C5: variants seen among roughly 807,000 people sequenced by gnomAD.
C5 encodes C3 and PZP-like alpha-2-macroglobulin domain-containing protein 4.
Under a neutral mutation model 218.8 loss-of-function variants are expected in C5, and 140 were observed. That is an observed-to-expected ratio of 0.64 (90% CI 0.56 to 0.74). C5 has a LOEUF of 0.74. Ranked by LOEUF, C5 falls within the 30% of genes least tolerant of loss-of-function variation. The pLI is 0.00. For synonymous variants in C5, 614 were observed against 682.3 expected, an observed-to-expected ratio of 0.90 and a Z score of 1.56; for missense variants, 1,700 against 1,969.6, an observed-to-expected ratio of 0.86 and a Z score of 2.59.
chr9:121,007,564 T>A (rs1548782), intron 18 of C5, among the ~76,000 whole-genome samples: 91,301 of 152,058 alleles, frequency 0.6, 27,691 homozygotes, highest in East Asian at 0.78. Context: ...GGCAGTGTGC[T>A]TTCGTTCAAC....
chr9:121,059,915 C>G, the C5 span, among the ~76,000 whole-genome samples: 4 of 152,184 alleles, frequency 2.6e-5, no homozygotes, highest in African/African-American at 9.7e-5. The surrounding 1 kb of genome is among the most constrained non-coding windows in gnomAD (Gnocchi z 4.1). Flanking sequence ...ATCTTGACTG[C>G]AACCTCATAA....
chr9:120,994,526 T>C (rs1214142581), intron 22 of C5, among the ~76,000 whole-genome samples: 1 of 151,834 alleles, frequency 6.6e-6, no homozygotes, highest in African/African-American at 2.4e-5. Context: ...GAGGTTGCAG[T>C]GAGCTGACAT....
chr9:121,038,522 A>G (rs921875388), intron 3 of C5, among the ~76,000 whole-genome samples: 1 of 152,236 alleles, frequency 6.6e-6, no homozygotes, highest in Non-Finnish European at 1.5e-5. Context: ...CATTGTTAAA[A>G]GAGCAATGGC....
chr9:121,031,280 AATTT>A (rs2047472464), intron 6 of C5, among the ~76,000 whole-genome samples: 1 of 152,128 alleles, frequency 6.6e-6, no homozygotes, highest in Non-Finnish European at 1.5e-5. Flanking sequence ...CTATTAATAT[AATTT>A]ATTTCAAAAT....
At chr9:121,068,306 T>C in the C5 span, among the ~76,000 whole-genome samples, 2 of 151,646 alleles carry the variant, frequency 1.3e-5, no homozygotes, top group African/African-American at 4.9e-5. Context: ...AAAACCAACA[T>C]ACAAAAATCA....
the C5 span, among the ~76,000 whole-genome samples, chr9:121,073,784 G>C: frequency 6.6e-6 from 1 of 152,170 alleles, no homozygotes; most frequent in Non-Finnish European, 1.5e-5. Context: ...AAAGTGCTGG[G>C]ATTACAGGCA....
At chr9:120,958,011 G>T (rs1050284445) in intron 38 of C5, among the ~76,000 whole-genome samples, 3 of 152,154 alleles carry the variant, frequency 2.0e-5, no homozygotes, top group Non-Finnish European at 2.9e-5. Context: ...TTTCTATGTG[G>T]CCTCAGGAGA....
At chr9:120,980,975 AT>A (rs755955196) in intron 27 of C5, among the ~76,000 whole-genome samples, 2 of 152,248 alleles carry the variant, frequency 1.3e-5, no homozygotes, top group South Asian at 2.1e-4. Context: ...ACTTAAAAAA[AT>A]AAATAAATAA....
chr9:121,001,888 C>T (rs2047164137), intron 20 of C5, among the ~76,000 whole-genome samples: 1 of 151,950 alleles, frequency 6.6e-6, no homozygotes, highest in South Asian at 2.1e-4. Flanking sequence ...CAGAAATATA[C>T]ATGTAGGAAG....
intron 33 of C5, among the ~76,000 whole-genome samples, chr9:120,967,082 A>C (rs2046873942): frequency 6.6e-6 from 1 of 151,984 alleles, no homozygotes. Flanking sequence ...CAACATGCTG[A>C]AACCCCATCT....
At chr9:121,015,331 G>T in intron 15 of C5, 70 bp from the exon 16 acceptor site, 1 of 1,039,908 alleles carries the variant, frequency 9.6e-7, no homozygotes, top group Non-Finnish European at 1.5e-6. Context: ...AAAATTCCAT[G>T]AAACTATTTA....
chr9:120,992,554 C>T (rs2047084664), intron 22 of C5, among the ~76,000 whole-genome samples: 1 of 152,230 alleles, frequency 6.6e-6, no homozygotes, highest in Admixed American at 6.5e-5. Flanking sequence ...TTTGCTCCTT[C>T]ACCATTTTCT....
intron 6 of C5, among the ~76,000 whole-genome samples, chr9:121,031,537 T>A (rs2047474396): frequency 6.6e-6 from 1 of 152,140 alleles, no homozygotes; most frequent in Non-Finnish European, 1.5e-5. Context: ...TTCAGGGGAC[T>A]AGATCTCTTC....
the C5 span, among the ~76,000 whole-genome samples, chr9:121,063,952 A>T: frequency 1.3e-5 from 2 of 152,198 alleles, no homozygotes; most frequent in Admixed American, 1.3e-4. Context: ...TTCTGGGGAA[A>T]ATGGGGAATA....
At chr9:120,968,869 TA>T (rs2046888539) in intron 33 of C5, among the ~76,000 whole-genome samples, 191 bp downstream of exon 33, 4 of 152,168 alleles carry the variant, frequency 2.6e-5, no homozygotes, top group Admixed American at 2.0e-4. Context: ...CAGAGAAAAC[TA>T]TTATGAGCAA....
At chr9:121,002,931 A>G (rs979477274) in intron 20 of C5, among the ~76,000 whole-genome samples, 1 of 152,166 alleles carries the variant, frequency 6.6e-6, no homozygotes, top group African/African-American at 2.4e-5. Flanking sequence ...CATAGGATTT[A>G]TGCAAACCCT....
chr9:120,995,941 C>T (rs972216082), intron 22 of C5, among the ~76,000 whole-genome samples: 1 of 151,546 alleles, frequency 6.6e-6, no homozygotes, highest in Non-Finnish European at 1.5e-5. Context: ...GCCTCAGCTT[C>T]CCAAATAGCT....
intron 17 of C5, among the ~76,000 whole-genome samples, chr9:121,010,028 A>T (rs965260706): frequency 2.8e-4 from 43 of 152,202 alleles, no homozygotes; most frequent in Admixed American, 6.5e-5. Context: ...AAGCCTCCCC[A>T]CCATGGGCTG....
At chr9:121,067,579 A>C in the C5 span, among the ~76,000 whole-genome samples, 3 of 151,926 alleles carry the variant, frequency 2.0e-5, no homozygotes, top group Non-Finnish European at 4.4e-5. Context: ...AAAAAAAAAA[A>C]AAAAGAGGAA....
Sources: allele counts gnomAD v4.1 joint callset (sites outside exome capture counted in the v4.1 genomes callset), GRCh38; gene constraint gnomAD v4.1.1; non-coding constraint Gnocchi (gnomAD v3.1); transcripts MANE v1.5; gene names NCBI Gene and HGNC (gene_info 2026-07-23, HGNC 2026-07-21).